Variants in CTNNBL1 observed in about 807,000 individuals in gnomAD.
CTNNBL1 encodes catenin beta like 1.
In CTNNBL1, 31 loss-of-function variants were observed where a neutral mutation model predicts 72.7. The observed-to-expected ratio is 0.43, with a 90% confidence interval of 0.32 to 0.58. The LOEUF is 0.58. Ranked by LOEUF, CTNNBL1 falls within the 20% of genes least tolerant of loss-of-function variation. The pLI is 0.08. For synonymous variants in CTNNBL1, 240 were observed against 267.3 expected, an observed-to-expected ratio of 0.90 and a Z score of 1.00; for missense variants, 534 against 725.1, an observed-to-expected ratio of 0.74 and a Z score of 3.03.
chr20:37,802,963 T>G lies in CTNNBL1; in HGVS notation c.1128T>G (p.Ile376Met), dbSNP rs1420042607. Residue 376 changes from isoleucine to methionine, a missense_variant, in exon 11 of 16, where the codon ATT becomes ATG. By Grantham distance (10) the Ile-to-Met change is conservative (BLOSUM62 1). Coordinates refer to ENST00000361383, the MANE Select transcript of CTNNBL1 (RefSeq NM_030877.5). The part of the protein sequence containing the change: ...GTDNCHKFVD[I>M]LGLRTIFPLF... ...ACAACTGCCATAAGTTTGTTGACAT[T>G]CTTGGCTTACGAACCATCTTTCCCC... 1.9e-6 allele frequency: 3 copies of G among 1,614,146 alleles called. No individual in the cohort carries two copies. Among genetic ancestry groups the G allele is most frequent in the Non-Finnish European group, 2.5e-6 (3 of 1,180,018 alleles).
At chr20:37,800,979 G>T (rs2122732574) in intron 10 of CTNNBL1, among the ~76,000 whole-genome samples, 1 of 152,294 alleles carries the variant, frequency 6.6e-6, no homozygotes, top group East Asian at 1.9e-4. Context: ...CTCCTTAGGA[G>T]GCTTTCCTTA....
intron 15 of CTNNBL1, among the ~76,000 whole-genome samples, chr20:37,864,955 G>A (rs536683472): frequency 1.1e-4 from 17 of 152,260 alleles, no homozygotes; most frequent in African/African-American, 4.1e-4. Flanking sequence ...GGCCTAGAAA[G>A]TGGGGTAACA....
intron 4 of CTNNBL1, among the ~76,000 whole-genome samples, chr20:37,748,940 T>G (rs1272126971): frequency 6.6e-6 from 1 of 152,244 alleles, no homozygotes; most frequent in Admixed American, 6.5e-5. Context: ...ACTAATGGTG[T>G]TCACAGACTC....
intron 5 of CTNNBL1, among the ~76,000 whole-genome samples, chr20:37,760,934 C>A: frequency 6.6e-6 from 1 of 150,688 alleles, no homozygotes; most frequent in Admixed American, 6.6e-5. Context: ...TCAATAAAAC[C>A]ACATTTGGAT....
At chr20:37,726,516 G>A (rs2073086040) in intron 1 of CTNNBL1, among the ~76,000 whole-genome samples, 1 of 152,198 alleles carries the variant, frequency 6.6e-6, no homozygotes, top group African/African-American at 2.4e-5. Flanking sequence ...AATATAAAGA[G>A]AGAGAGAGAC....
intron 11 of CTNNBL1, among the ~76,000 whole-genome samples, chr20:37,827,781 C>T (rs1301163014): frequency 1.3e-5 from 2 of 152,148 alleles, no homozygotes; most frequent in Non-Finnish European, 2.9e-5. Flanking sequence ...CTTTGTGGAA[C>T]GTAGACCTGG....
At chr20:37,762,446 T>C (rs1397918334) in intron 5 of CTNNBL1, among the ~76,000 whole-genome samples, 1 of 152,164 alleles carries the variant, frequency 6.6e-6, no homozygotes, top group East Asian at 1.9e-4. Context: ...TGGAAGATGA[T>C]GTGTGATCAT....
At chr20:37,847,561 T>C (rs113080251) in intron 13 of CTNNBL1, among the ~76,000 whole-genome samples, 1 of 152,132 alleles carries the variant, frequency 6.6e-6, no homozygotes, top group African/African-American at 2.4e-5. Context: ...AAGATGCCTG[T>C]TGTTGGGAAG....
At chr20:37,820,032 A>G (rs1258625519) in intron 11 of CTNNBL1, among the ~76,000 whole-genome samples, 1 of 151,720 alleles carries the variant, frequency 6.6e-6, no homozygotes, top group Non-Finnish European at 1.5e-5. Flanking sequence ...GCACCATCAC[A>G]GCCAGTTAAT....
intron 13 of CTNNBL1, among the ~76,000 whole-genome samples, chr20:37,849,042 C>T (rs1200589378): frequency 6.6e-6 from 1 of 152,182 alleles, no homozygotes; most frequent in East Asian, 1.9e-4. Context: ...TCTGTTTACT[C>T]CTCTCCCTCC....
intron 11 of CTNNBL1, among the ~76,000 whole-genome samples, chr20:37,810,812 G>A (rs996700186): frequency 6.6e-6 from 1 of 152,136 alleles, no homozygotes; most frequent in East Asian, 1.9e-4. Context: ...CATGAGTTTT[G>A]GATTAAGACA....
intron 1 of CTNNBL1, among the ~76,000 whole-genome samples, chr20:37,731,298 C>T (rs557385490): frequency 6.6e-5 from 10 of 151,886 alleles, no homozygotes; most frequent in South Asian, 2.1e-4. Flanking sequence ...TGCAATGGCA[C>T]GATCTCGGCT....
intron 1 of CTNNBL1, among the ~76,000 whole-genome samples, chr20:37,728,119 A>G (rs918534012): frequency 1.3e-4 from 20 of 152,160 alleles, no homozygotes; most frequent in African/African-American, 4.8e-4. Context: ...GAAATCCCCT[A>G]GGCCTGTGCT....
chr20:37,808,421 C>T (rs755871529), intron 11 of CTNNBL1, among the ~76,000 whole-genome samples: 24 of 152,194 alleles, frequency 1.6e-4, no homozygotes, highest in Non-Finnish European at 2.6e-4. Flanking sequence ...TAAAAGTCTT[C>T]GTGCTGGGCT....
At chr20:37,794,628 G>A (rs1348992984) in intron 10 of CTNNBL1, among the ~76,000 whole-genome samples, 2 of 151,818 alleles carry the variant, frequency 1.3e-5, no homozygotes, top group African/African-American at 4.8e-5. Context: ...GAGTAGCTGG[G>A]ATTACAGGTA....
intron 15 of CTNNBL1, among the ~76,000 whole-genome samples, chr20:37,869,488 G>A (rs892346509): frequency 2.0e-5 from 3 of 152,254 alleles, no homozygotes; most frequent in South Asian, 2.1e-4. Flanking sequence ...CCTTCAGCAC[G>A]ACACTCTGCT....
intron 11 of CTNNBL1, among the ~76,000 whole-genome samples, chr20:37,837,412 G>A (rs1049769410): frequency 2.6e-5 from 4 of 152,096 alleles, no homozygotes; most frequent in African/African-American, 4.8e-5. Flanking sequence ...CTGGGGTCTT[G>A]AGAAGGTATA....
At chr20:37,702,120 A>G (rs1397427813) in intron 1 of CTNNBL1, among the ~76,000 whole-genome samples, 7 of 152,164 alleles carry the variant, frequency 4.6e-5, no homozygotes, top group Middle Eastern at 3.2e-3. Flanking sequence ...GACTTGAGCT[A>G]TCCTCCTGCC....
chr20:37,785,757 A>G (rs1472018049), intron 10 of CTNNBL1, among the ~76,000 whole-genome samples: 1 of 151,966 alleles, frequency 6.6e-6, no homozygotes, highest in African/African-American at 2.4e-5. Flanking sequence ...TACTTAGTTC[A>G]TTTGTTGAGG....
Sources: allele counts gnomAD v4.1 joint callset (sites outside exome capture counted in the v4.1 genomes callset), GRCh38; gene constraint gnomAD v4.1.1; transcripts MANE v1.5; gene names NCBI Gene and HGNC (gene_info 2026-07-23, HGNC 2026-07-21).